Variants in NFIB observed in about 807,000 individuals in gnomAD.
NFIB encodes the protein nuclear factor 1 B-type.
Under a neutral mutation model 61.5 loss-of-function variants are expected in NFIB, and 11 were observed. The observed-to-expected ratio is 0.18, with a 90% CI of 0.11 to 0.30. NFIB has a LOEUF of 0.30. Ranked by LOEUF, NFIB falls within the 10% of genes least tolerant of loss-of-function variation. The pLI is 1.00. For missense variants in NFIB, 471 were observed against 608.9 expected, an observed-to-expected ratio of 0.77 and a Z score of 2.38; for synonymous variants, 260 against 216.5, an observed-to-expected ratio of 1.20 and a Z score of -1.76.
the NFIB span, among the ~76,000 whole-genome samples, chr9:14,499,645 G>T: frequency 6.6e-6 from 1 of 152,176 alleles, no homozygotes; most frequent in Non-Finnish European, 1.5e-5. Flanking sequence ...AATAATGCTT[G>T]TGAAGGGGAA....
At chr9:14,207,854 AAGAC>A (rs1414709983) in intron 2 of NFIB, among the ~76,000 whole-genome samples, 2 of 152,130 alleles carry the variant, frequency 1.3e-5, no homozygotes, top group Non-Finnish European at 2.9e-5. Context: ...TGCCACCTGA[AAGAC>A]AGATCCACCA....
chr9:14,493,334 G>C, the NFIB span, among the ~76,000 whole-genome samples: 1 of 152,194 alleles, frequency 6.6e-6, no homozygotes, highest in African/African-American at 2.4e-5. Context: ...TGAATTACCA[G>C]GAATAAGCAC....
chr9:14,349,649 C>T (rs1241110448), intron 1 of NFIB, among the ~76,000 whole-genome samples: 3 of 152,122 alleles, frequency 2.0e-5, no homozygotes, highest in African/African-American at 4.8e-5. Context: ...ACAAAGCACC[C>T]AGCTGAAAAC....
chr9:14,277,340 C>G (rs931058066), intron 2 of NFIB, among the ~76,000 whole-genome samples: 2 of 48,564 alleles, frequency 4.1e-5, no homozygotes, highest in African/African-American at 7.0e-5. Flanking sequence ...TGCACGCACA[C>G]ACAGACACAC....
chr9:14,399,161 A>G (rs1381665839), upstream of NFIB, among the ~76,000 whole-genome samples: 1 of 152,254 alleles, frequency 6.6e-6, no homozygotes, highest in Non-Finnish European at 1.5e-5. Context: ...AATATTTTGA[A>G]TATATGTTGT....
chr9:14,204,212 G>A, intron 2 of NFIB: 1 of 537,148 alleles, frequency 1.9e-6, no homozygotes, highest in Non-Finnish European at 3.3e-6. Flanking sequence ...AAAATTTGAG[G>A]AATGATCTCT....
chr9:14,280,470 A>C (rs1032417895), intron 2 of NFIB, among the ~76,000 whole-genome samples: 2 of 152,128 alleles, frequency 1.3e-5, no homozygotes, highest in East Asian at 1.9e-4. Flanking sequence ...TAAATACCTC[A>C]ATCTTCTCTA....
At chr9:14,287,424 G>A (rs1379340519) in intron 2 of NFIB, among the ~76,000 whole-genome samples, 4 of 149,246 alleles carry the variant, frequency 2.7e-5, no homozygotes, top group Non-Finnish European at 3.0e-5. Flanking sequence ...CCGAGACTCC[G>A]TCAAAAAAAA....
chr9:14,363,942 T>A (rs1223119120), intron 1 of NFIB, among the ~76,000 whole-genome samples: 1 of 152,178 alleles, frequency 6.6e-6, no homozygotes. Context: ...CATACTCTCC[T>A]TAACCAATTG....
In NFIB at chr9:14,388,367, AGAAGGAAGGAAGGAAGGAAGGAAGGAAG is replaced by A. The variant is rs55755915; in HGVS notation, c.108+10129_108+10156del. Among the ~76,000 whole-genome samples, 293 of 131,924 alleles carry A rather than the reference AGAAGGAAGGAAGGAAGGAAGGAAGGAAG, an allele frequency of 2.2e-3. 5 individuals carry two copies. The highest frequency in any genetic ancestry group is 8.1e-3 in the African/African-American group (273 of 33,630). The allele number at this position is 131,924 out of a possible 152,430, so 86.5% of individuals were successfully genotyped here. A position where few individuals can be genotyped will look rare whatever the true frequency, so the allele number is the denominator to read the frequency against. On this transcript the variant is annotated intron_variant, in intron 1 of 8. Transcript: ENST00000380934. ...GAGACCTTTTCAAAAAGAGAAAGAA[AGAAGGAAGGAAGGAAGGAAGGAAGGAAG>A]GAAGGAAGGAAGGAAGGAAGGAAGG...
the NFIB span, among the ~76,000 whole-genome samples, chr9:14,479,883 G>A: frequency 1.3e-5 from 2 of 152,024 alleles, no homozygotes; most frequent in South Asian, 4.1e-4. Context: ...AAGAAAAAGA[G>A]ATCTGAAATT....
At chr9:14,175,518 T>TC (rs1203165348) in intron 3 of NFIB, among the ~76,000 whole-genome samples, 2 of 152,158 alleles carry the variant, frequency 1.3e-5, no homozygotes, top group African/African-American at 4.8e-5. Context: ...CACATAGCTA[T>TC]CATTAATAGA....
chr9:14,258,882 A>T (rs905073163), intron 2 of NFIB, among the ~76,000 whole-genome samples: 3 of 152,190 alleles, frequency 2.0e-5, no homozygotes, highest in East Asian at 3.9e-4. Context: ...CAGGACTAAC[A>T]AACACACAGT....
intron 5 of NFIB, among the ~76,000 whole-genome samples, chr9:14,147,240 G>C (rs1201694464): frequency 6.6e-6 from 1 of 152,080 alleles, no homozygotes; most frequent in Non-Finnish European, 1.5e-5. Flanking sequence ...TAAAACAAGA[G>C]CTTTGGGGTC....
intron 2 of NFIB, among the ~76,000 whole-genome samples, chr9:14,295,494 G>C (rs932985133): frequency 1.3e-5 from 2 of 152,050 alleles, no homozygotes; most frequent in African/African-American, 2.4e-5. Flanking sequence ...AGCCGGGCGT[G>C]GGGAAGGGCG....
chr9:14,384,944 G>A (rs1462423144), intron 1 of NFIB, among the ~76,000 whole-genome samples: 1 of 152,100 alleles, frequency 6.6e-6, no homozygotes, highest in Non-Finnish European at 1.5e-5. Context: ...GTATTTTACA[G>A]TACTTCACTC....
At chr9:14,437,062 C>T in the NFIB span, among the ~76,000 whole-genome samples, 1 of 152,134 alleles carries the variant, frequency 6.6e-6, no homozygotes, top group African/African-American at 2.4e-5. Flanking sequence ...GTTCTTTCTC[C>T]AACCCTTCTC....
At position 14,304,385 on chromosome 9, in the gene NFIB, G is replaced by A. The variant is rs185887203; in HGVS notation, c.562+2604C>T. Among the ~76,000 whole-genome samples, 349 of 152,284 alleles carry A rather than the reference G, an allele frequency of 2.3e-3. 1 individual carries two copies. The highest frequency in any genetic ancestry group is 7.6e-3 in the African/African-American group (315 of 41,558). ...GTGATCTTGTATAAATAACCAAGAGGACTATTGACATTTCTAGATCTGGAA... is the reference window on the plus strand; with the variant it reads ...GTGATCTTGTATAAATAACCAAGAGAACTATTGACATTTCTAGATCTGGAA... On this transcript the variant is annotated intron_variant, in intron 2 of 10. Coordinates refer to ENST00000380953, the MANE Select transcript of NFIB (RefSeq NM_001190737.2).
rs192853489 is a variant in NFIB, at chr9:14,142,878, C to A, written c.925+3811G>T. Among the ~76,000 whole-genome samples, 4 of 152,200 alleles carry A rather than the reference C, an allele frequency of 2.6e-5. No homozygotes were observed. In the East Asian group the frequency reaches 5.8e-4, roughly 22 times the overall value. Reference sequence around the variant, plus strand: ...AAGAGACTAAGCAAGGAGAAATATTCTGAAACATAGGAAAGAAATATAACA... The same window carrying A: ...AAGAGACTAAGCAAGGAGAAATATTATGAAACATAGGAAAGAAATATAACA... On this transcript the variant is annotated intron_variant, in intron 6 of 10. Transcript: ENST00000380953.
Sources: gnomAD v4.1 joint callset for allele counts (sites outside exome capture counted in the v4.1 genomes callset) on GRCh38, gnomAD v4.1.1 for gene constraint, MANE v1.5 for transcripts, NCBI Gene and HGNC (gene_info 2026-07-23, HGNC 2026-07-21) for gene names.